EMG1: variants seen among roughly 807,000 people sequenced by gnomAD.
The protein encoded by EMG1 is EMG1 N1-specific pseudouridine methyltransferase, also known as ribosomal RNA small subunit methyltransferase NEP1.
Under a neutral mutation model 26.9 loss-of-function variants are expected in EMG1, and 24 were observed. The observed-to-expected ratio is 0.89, with a 90% CI of 0.65 to 1.26. The LOEUF is 1.26. Ranked by LOEUF, EMG1 falls within the 50% of genes most tolerant of loss-of-function variation. EMG1 has a pLI of 0.00. For missense variants in EMG1, 299 were observed against 307.6 expected, an observed-to-expected ratio of 0.97 and a Z score of 0.21; for synonymous variants, 140 against 112.6, an observed-to-expected ratio of 1.24 and a Z score of -1.54.
intron 1 of EMG1, among the ~76,000 whole-genome samples, chr12:6,972,516 T>C (rs782619574): frequency 6.6e-6 from 1 of 152,244 alleles, no homozygotes. Context: ...TATAACAGTT[T>C]GTTTTTAGAC....
chr12:6,981,272 G>T, downstream of EMG1: 2 of 1,070,036 alleles, frequency 1.9e-6, no homozygotes, highest in South Asian at 1.5e-5. Flanking sequence ...GTGCCCCACT[G>T]ACTGGGGTTC....
intron 1 of EMG1, among the ~76,000 whole-genome samples, chr12:6,971,360 G>A (rs1288863980): frequency 6.8e-6 from 1 of 147,530 alleles, no homozygotes; most frequent in African/African-American, 2.5e-5. Flanking sequence ...TGCAACTTCT[G>A]CCTCCCGCCT....
chr12:6,975,082 CCTT>C lies in EMG1; in HGVS notation c.413-5_413-3del, dbSNP rs879948903. 4 of 1,613,896 alleles carry C rather than the reference CCTT, an allele frequency of 2.5e-6. No homozygotes were observed. In the South Asian group the frequency reaches 4.4e-5, roughly 18 times the overall value. Reference sequence around the variant, plus strand: ...ATCTAGCTCTGAACTCTTTTTTCCCCCTTCTAGTTCAACTTTTACACAAGCTCA... The same window carrying C: ...ATCTAGCTCTGAACTCTTTTTTCCCCCTAGTTCAACTTTTACACAAGCTCA... On this transcript the variant is annotated splice_polypyrimidine_tract_variant and splice_region_variant and intron_variant, in intron 3 of 5. Coordinates refer to ENST00000599672, the MANE Select transcript of EMG1 (RefSeq NM_006331.8).
downstream of EMG1, chr12:6,981,845 T>C (rs782250410): frequency 3.7e-6 from 6 of 1,613,964 alleles, no homozygotes; most frequent in Admixed American, 1.0e-4. Context: ...AATGTGGCAT[T>C]GTCCACTTGA....
chr12:6,975,014 G>A, intron 3 of EMG1, 76 bp from the exon 4 acceptor site: 2 of 1,414,702 alleles, frequency 1.4e-6, no homozygotes, highest in Admixed American at 3.4e-5. Context: ...TTATCCATGG[G>A]GTTTTCCTTG....
intron 6 of EMG1, among the ~76,000 whole-genome samples, chr12:6,986,483 G>A (rs1049548303): frequency 2.8e-4 from 42 of 152,064 alleles, no homozygotes; most frequent in African/African-American, 8.0e-4. Context: ...TAAGTTTTTG[G>A]AGAGTCAAAA....
rs782016727 is a variant in EMG1 at position 6,974,359 on chromosome 12, A to C, written c.189A>C (p.Leu63=). 2.0e-5 allele frequency: 33 copies of C among 1,612,900 alleles called. No individual in the cohort carries two copies. The African/African-American group carries it at 3.7e-4, about 18-fold the overall frequency. ...TTCAGGTAGGGAAGACATATGAGCT[A>C]CTCAACTGTGACAAGCACAAGTCTA... is the stretch of plus-strand genomic sequence containing the variant. ...ETVKVGKTYE[L]LNCDKHKSIL... Residue 63 remains leucine, a synonymous_variant, in exon 2 of 6, where the codon CTA becomes CTC. Coordinates refer to ENST00000599672, the MANE Select transcript of EMG1 (RefSeq NM_006331.8).
rs1416341772 is a variant in EMG1, at chr12:6,978,244, A to G, written c.*2435A>G. The G allele has an allele frequency of 1.3e-5, 19 of 1,409,652 alleles. No homozygotes were observed. Among genetic ancestry groups the G allele is most frequent in the Non-Finnish European group, 1.6e-5 (17 of 1,038,934 alleles). The allele number at this position is 1,409,652 out of a possible 1,614,324, so 87.3% of individuals were successfully genotyped here. A position where few individuals can be genotyped will look rare whatever the true frequency, so the allele number is the denominator to read the frequency against. ...GACAGGGGGTTCTGCCCAGATGGGA[A>G]AGACGCATAGGGGTGACATGGTACA... is the stretch of plus-strand genomic sequence containing the variant. On this transcript the variant is annotated 3_prime_UTR_variant, in exon 6 of 6. Coordinates refer to ENST00000599672, the MANE Select transcript of EMG1 (RefSeq NM_006331.8).
downstream of EMG1, among the ~76,000 whole-genome samples, chr12:6,993,240 C>A (rs1443375897): frequency 6.6e-6 from 1 of 151,996 alleles, no homozygotes; most frequent in Non-Finnish European, 1.5e-5. Flanking sequence ...GAGATCAAGA[C>A]CATCCTGGCC....
Position 6,979,047 on chromosome 12 carries a change from CTG to C in EMG1, c.*3240_*3241del, listed in dbSNP as rs1946441309. 3.3e-6 allele frequency: 1 copy of C among 304,990 alleles called. No individual in the cohort carries two copies. Among genetic ancestry groups the C allele is most frequent in the East Asian group, 7.0e-5 (1 of 14,268 alleles). The allele number at this position is 304,990 out of a possible 1,614,324, so 18.9% of individuals were successfully genotyped here. A position where few individuals can be genotyped will look rare whatever the true frequency, so the allele number is the denominator to read the frequency against. On this transcript the variant is annotated 3_prime_UTR_variant, in exon 6 of 6. Transcript: ENST00000599672. Reference sequence around the variant, plus strand: ...GAGAAACCTGCCCAGAATTACTGAACTGTTTTCAAGCCTTTCAGCTGGGCAGG... The same window carrying C: ...GAGAAACCTGCCCAGAATTACTGAACTTTTCAAGCCTTTCAGCTGGGCAGG...
In EMG1 at chr12:6,976,972, C is replaced by G; in HGVS notation, c.*1163C>G. The G allele has an allele frequency of 3.3e-6, 2 of 603,538 alleles. No individual in the cohort carries two copies. Among genetic ancestry groups the G allele is most frequent in the South Asian group, 3.9e-5 (2 of 51,280 alleles). 37.4% of individuals were successfully genotyped at this position (603,538 alleles called of 1,614,324 possible). On this transcript the variant is annotated 3_prime_UTR_variant, in exon 6 of 6. Transcript: ENST00000599672. ...TATAGCCCTTCCAGATGTTTCCTAGCATGCCTCAATAAGTCACAGTAGTCA... is the reference window on the plus strand; with the variant it reads ...TATAGCCCTTCCAGATGTTTCCTAGGATGCCTCAATAAGTCACAGTAGTCA...
chr12:6,989,669 A>G (rs1946569149), downstream of EMG1, among the ~76,000 whole-genome samples: 1 of 152,104 alleles, frequency 6.6e-6, no homozygotes, highest in Non-Finnish European at 1.5e-5. Flanking sequence ...GGTTGTAGTC[A>G]AGCACAGGGA....
chr12:6,975,384 G>T lies in EMG1; in HGVS notation c.621+6G>T, dbSNP rs1247486126. On this transcript the variant is annotated splice_donor_region_variant and intron_variant, in intron 5 of 5. Transcript: ENST00000599672. ...GGGCCTTTGCCCATGGCAAGGTAAGGTCTGGGCTCAACCCTGAAATTCTTG... is the reference window on the plus strand; with the variant it reads ...GGGCCTTTGCCCATGGCAAGGTAAGTTCTGGGCTCAACCCTGAAATTCTTG... 6.3e-7 allele frequency: 1 copy of T among 1,589,190 alleles called. No homozygotes were observed. The highest frequency in any genetic ancestry group is 8.6e-7 in the Non-Finnish European group (1 of 1,167,020).
chr12:6,985,968 T>G (rs1464847778), intron 6 of EMG1, among the ~76,000 whole-genome samples: 1 of 151,986 alleles, frequency 6.6e-6, no homozygotes, highest in African/African-American at 2.4e-5. Context: ...AGAGACGGTA[T>G]TTCACCATGT....
Position 6,978,138 on chromosome 12 carries a change from A to G in EMG1, c.*2329A>G, listed in dbSNP as rs1221551556. On this transcript the variant is annotated 3_prime_UTR_variant, in exon 6 of 6. Coordinates refer to ENST00000599672, the MANE Select transcript of EMG1 (RefSeq NM_006331.8). ...AACACCCAGGTCTTAACGCACTTTT[A>G]TATCTTGCCTTTTTTTCAAATATGA... 7 of 628,956 alleles carry G rather than the reference A, an allele frequency of 1.1e-5. No homozygotes were observed. In the African/African-American group the frequency reaches 1.4e-4, roughly 12 times the overall value. The allele number at this position is 628,956 out of a possible 1,614,324, so 39.0% of individuals were successfully genotyped here.
At chr12:6,993,894 G>A (rs1320122627) in intron 7 of EMG1, among the ~76,000 whole-genome samples, 3 of 152,170 alleles carry the variant, frequency 2.0e-5, no homozygotes, top group Admixed American at 6.5e-5. Flanking sequence ...TTGCAGGCAT[G>A]AGCCACTACG....
downstream of EMG1, among the ~76,000 whole-genome samples, chr12:6,991,232 C>T (rs1166773152): frequency 4.6e-5 from 7 of 152,110 alleles, no homozygotes; most frequent in Non-Finnish European, 1.0e-4. Flanking sequence ...GAAAATCTGG[C>T]TTTACACAGA....
downstream of EMG1, chr12:6,981,407 G>A: frequency 1.4e-6 from 1 of 715,140 alleles, no homozygotes; most frequent in East Asian, 2.6e-5. Flanking sequence ...TGGACTTTGT[G>A]CAAGAGCTGG....
At chr12:6,981,242 T>C, downstream of EMG1, 1 of 1,397,042 alleles carries the variant, frequency 7.2e-7, no homozygotes, top group Non-Finnish European at 9.8e-7. Context: ...CAAGAGCCAC[T>C]TTGAGTGTTC....
Sources: allele counts gnomAD v4.1 joint callset (sites outside exome capture counted in the v4.1 genomes callset), GRCh38; gene constraint gnomAD v4.1.1; transcripts MANE v1.5; gene names NCBI Gene and HGNC (gene_info 2026-07-23, HGNC 2026-07-21).